The following TRAK1 variants were observed in gnomAD, a reference collection of about 807,000 sequenced individuals.
TRAK1 encodes the protein trafficking kinesin-binding protein 1.
TRAK1 carries 33 observed loss-of-function variants against 92.1 expected under a neutral mutation model. That is an observed-to-expected ratio of 0.36 (90% confidence interval 0.27 to 0.48). TRAK1 has a LOEUF of 0.48. Ranked by LOEUF, TRAK1 falls within the 20% of genes least tolerant of loss-of-function variation. TRAK1 has a pLI of 0.99. For missense variants in TRAK1, 1,123 were observed against 1,257.9 expected (o/e 0.89, Z 1.62); for synonymous variants, 521 against 517.3 (o/e 1.01, Z -0.10).
intron 1 of TRAK1, among the ~76,000 whole-genome samples, chr3:42,031,333 G>A (rs1702139247): frequency 6.6e-6 from 1 of 151,654 alleles, no homozygotes; most frequent in African/African-American, 2.4e-5. Context: ...CACCGTGCCT[G>A]GCCTTGAATT....
At chr3:42,120,110 G>A (rs1312961431) in intron 1 of TRAK1, among the ~76,000 whole-genome samples, 1 of 152,238 alleles carries the variant, frequency 6.6e-6, no homozygotes, top group African/African-American at 2.4e-5. Context: ...CAATGTGGCC[G>A]GCCACCATGG....
At chr3:42,160,135 G>T (rs973475638) in intron 2 of TRAK1, 2 of 1,250,948 alleles carry the variant, frequency 1.6e-6, no homozygotes, top group Non-Finnish European at 2.0e-6. Flanking sequence ...CCTCCTCCAG[G>T]CTCATAGGAG....
chr3:42,176,750 A>T (rs78512865), intron 2 of TRAK1, 64 bp from the exon 3 acceptor site: 35,449 of 1,489,220 alleles, frequency 0.024, 555 homozygotes, highest in Non-Finnish European at 0.027. Context: ...ACTTTTTTAG[A>T]TGAGTCATTT....
chr3:42,013,436 T>C (rs1413982576), upstream of TRAK1, among the ~76,000 whole-genome samples: 5 of 152,072 alleles, frequency 3.3e-5, no homozygotes, highest in Non-Finnish European at 7.4e-5. The surrounding 1 kb of genome is among the most constrained non-coding windows in gnomAD (Gnocchi z 5.1). Context: ...GATACTTCTC[T>C]GTGCCCCACG....
chr3:42,053,395 T>TGGGGGG (rs1703067211), intron 1 of TRAK1, among the ~76,000 whole-genome samples: 1 of 49,282 alleles, frequency 2.0e-5, no homozygotes, highest in Non-Finnish European at 4.6e-5. Flanking sequence ...GGGCGGGGGA[T>TGGGGGG]GGCAAAGGGG....
At chr3:42,220,660 C>T in intron 15 of TRAK1, 1 of 936,650 alleles carries the variant, frequency 1.1e-6, no homozygotes, top group South Asian at 4.9e-5. Flanking sequence ...GCACGCGTGG[C>T]CGCCACTAAC....
chr3:42,047,734 G>T (rs565237792), intron 1 of TRAK1, among the ~76,000 whole-genome samples: 1 of 152,116 alleles, frequency 6.6e-6, no homozygotes, highest in African/African-American at 2.4e-5. Context: ...TTAGGAAAGA[G>T]ATGAAAGTAA....
At chr3:42,018,502 A>C (rs752417584) in intron 1 of TRAK1, among the ~76,000 whole-genome samples, 2 of 152,218 alleles carry the variant, frequency 1.3e-5, no homozygotes, top group Non-Finnish European at 2.9e-5. Context: ...GCTCCATCAC[A>C]GTATAAATTA....
chr3:42,174,549 C>T (rs1310662546), intron 2 of TRAK1, among the ~76,000 whole-genome samples: 1 of 151,422 alleles, frequency 6.6e-6, no homozygotes, highest in Non-Finnish European at 1.5e-5. Flanking sequence ...TGCAGTGGCA[C>T]GACTTCTGCC....
intron 1 of TRAK1, among the ~76,000 whole-genome samples, chr3:42,073,886 A>G (rs1468752961): frequency 6.6e-6 from 1 of 152,048 alleles, no homozygotes; most frequent in African/African-American, 2.4e-5. Flanking sequence ...CCCCCAACCC[A>G]ACTTGACCCC....
chr3:42,030,737 T>G (rs1702108686), intron 1 of TRAK1, among the ~76,000 whole-genome samples: 3 of 108,834 alleles, frequency 2.8e-5, no homozygotes, highest in East Asian at 2.6e-4. Context: ...TATATATATA[T>G]ATATGTAACT....
chr3:42,146,800 T>G (rs1210449912), intron 2 of TRAK1, among the ~76,000 whole-genome samples: 1 of 152,170 alleles, frequency 6.6e-6, no homozygotes, highest in Non-Finnish European at 1.5e-5. Flanking sequence ...AAACTATCCT[T>G]CCTTCTTGGC....
chr3:42,112,879 T>C (rs1287736004), intron 1 of TRAK1, among the ~76,000 whole-genome samples: 3 of 152,074 alleles, frequency 2.0e-5, no homozygotes, highest in Non-Finnish European at 4.4e-5. Flanking sequence ...CAAGGGATCC[T>C]CTTGTCTCAG....
chr3:42,150,837 G>A (rs1012017057), intron 2 of TRAK1, among the ~76,000 whole-genome samples: 1 of 152,172 alleles, frequency 6.6e-6, no homozygotes, highest in Admixed American at 6.5e-5. Flanking sequence ...TAACTATTTT[G>A]AGTAACAAGG....
intron 1 of TRAK1, among the ~76,000 whole-genome samples, chr3:42,105,308 G>A (rs1056223977): frequency 6.6e-6 from 1 of 152,194 alleles, no homozygotes; most frequent in Non-Finnish European, 1.5e-5. Flanking sequence ...AATAAATAGT[G>A]TAGAGAAGAC....
rs1710436840 is a variant in TRAK1 at position 42,125,477 on chromosome 3, A to G, written c.149A>G (p.Gln50Arg). ...GAGATCATTAGCCTGCTGGAGGAGCAGCTGCCCCATTATAAGTTAAGAGCC... is the reference window on the plus strand; with the variant it reads ...GAGATCATTAGCCTGCTGGAGGAGCGGCTGCCCCATTATAAGTTAAGAGCC... ...EVEIISLLEE[Q>R]LPHYKLRADT... The change falls in exon 2 of 16, where the codon CAG (glutamine) becomes CGG (arginine). Residue 50 changes from glutamine to arginine, a missense_variant. Gln to Arg is a conservative substitution (Grantham distance 43, BLOSUM62 1). This residue lies in a region of TRAK1 where 686 missense variants were observed against 747.6 expected (regional missense o/e 0.92). Coordinates refer to ENST00000327628, the MANE Select transcript of TRAK1 (RefSeq NM_001042646.3). 6.2e-7 allele frequency: 1 copy of G among 1,614,250 alleles called. No individual in the cohort carries two copies. The highest frequency in any genetic ancestry group is 8.5e-7 in the Non-Finnish European group (1 of 1,180,032).
intron 1 of TRAK1, among the ~76,000 whole-genome samples, chr3:42,121,839 A>G (rs1709923111): frequency 1.3e-5 from 2 of 151,956 alleles, no homozygotes; most frequent in African/African-American, 2.4e-5. Context: ...TTTTTTAAAA[A>G]CAGAGTCTCG....
chr3:42,052,656 G>A (rs774227696), intron 1 of TRAK1, among the ~76,000 whole-genome samples: 6 of 152,198 alleles, frequency 3.9e-5, no homozygotes, highest in Admixed American at 2.0e-4. Context: ...ACTGGGTCTC[G>A]TGTGGATGCC....
At chr3:42,099,399 C>T (rs1706411418) in intron 1 of TRAK1, among the ~76,000 whole-genome samples, 1 of 152,166 alleles carries the variant, frequency 6.6e-6, no homozygotes, top group South Asian at 2.1e-4. Context: ...GGCACCAACT[C>T]CAGACCTGAG....
Sources: allele counts gnomAD v4.1 joint callset (sites outside exome capture counted in the v4.1 genomes callset), GRCh38; gene constraint gnomAD v4.1.1; regional missense constraint gnomAD v4.1.1; non-coding constraint Gnocchi (gnomAD v3.1); transcripts MANE v1.5; gene names NCBI Gene and HGNC (gene_info 2026-07-23, HGNC 2026-07-21).